Variants in HYDIN observed in about 807,000 individuals in gnomAD.
HYDIN encodes HYDIN axonemal central pair apparatus protein, also known as axonemal central pair apparatus protein HYDIN.
HYDIN carries 132 observed loss-of-function variants against 403.9 expected under a neutral mutation model. That is an observed-to-expected ratio of 0.33 (90% CI 0.28 to 0.38). The LOEUF is 0.38. Among genes scored for constraint, HYDIN ranks in the 10% least tolerant of loss-of-function variants. HYDIN has a pLI of 1.00. For missense variants in HYDIN, 2,827 were observed against 5,009.5 expected (o/e 0.56, Z 13.15); for synonymous variants, 1,202 against 1,891.7 (o/e 0.64, Z 9.46).
At position 70,807,625 on chromosome 16, in the gene HYDIN, C is replaced by T. The variant is rs774450978; in HGVS notation, c.15321G>A (p.Glu5107=). 1 of 1,614,064 alleles carries T rather than the reference C, an allele frequency of 6.2e-7. No individual in the cohort carries two copies. The highest frequency in any genetic ancestry group is 8.5e-7 in the Non-Finnish European group (1 of 1,179,978). Residue 5107 remains glutamate (E), a synonymous_variant, in exon 86 of 86, where the codon GAG becomes GAA. Coordinates refer to ENST00000393567, the MANE Select transcript of HYDIN (RefSeq NM_001270974.2). The part of the protein sequence containing the change: ...TVSCPPGEGS[E]TGVKWVYYLK... Reference sequence around the variant, plus strand: ...GATAATAAACCCATTTAACTCCAGTCTCACTCCCTTCACCAGGAGGGCAGC... The same window carrying T: ...GATAATAAACCCATTTAACTCCAGTTTCACTCCCTTCACCAGGAGGGCAGC...
intron 19 of HYDIN, among the ~76,000 whole-genome samples, chr16:71,030,534 G>A (rs2080869727): frequency 6.6e-6 from 1 of 151,528 alleles, no homozygotes; most frequent in African/African-American, 2.4e-5. Context: ...TTGGGCTCAA[G>A]TGATTCTCCC....
In HYDIN at chr16:71,149,914, A is replaced by G. The variant is rs2085473629; in HGVS notation, c.841+2745T>C. ...TCAATGTGAAGACAAGCATACCAAG[A>G]AATAGTCTAGTGCCAAGGCTAGCCT... On this transcript the variant is annotated intron_variant, in intron 7 of 85. Coordinates refer to ENST00000393567, the MANE Select transcript of HYDIN (RefSeq NM_001270974.2). Among the ~76,000 whole-genome samples, 3 of 149,708 alleles carry G rather than the reference A, an allele frequency of 2.0e-5. No individual in the cohort carries two copies. The South Asian group carries it at 6.5e-4, about 33-fold the overall frequency.
At chr16:70,991,100 T>A (rs899656036) in intron 25 of HYDIN, among the ~76,000 whole-genome samples, 8 of 152,238 alleles carry the variant, frequency 5.3e-5, no homozygotes, top group Non-Finnish European at 1.0e-4. Context: ...ATTTTTCCTT[T>A]AGTATCCTCT....
chr16:71,164,405 A>G (rs371303880), intron 5 of HYDIN, among the ~76,000 whole-genome samples: 6 of 10,272 alleles, frequency 5.8e-4, no homozygotes, highest in East Asian at 2.6e-3. Flanking sequence ...TATTCATTCA[A>G]CTATGTTCAT....
intron 15 of HYDIN, 192 bp downstream of exon 15, chr16:71,067,098 T>C: frequency 1.7e-6 from 1 of 602,066 alleles, no homozygotes; most frequent in Non-Finnish European, 3.0e-6. Flanking sequence ...ACACACTTCT[T>C]CTTATCTCCA....
At chr16:70,970,811 C>G (rs992866323) in intron 35 of HYDIN, 52 bp from the exon 36 acceptor site, 12 of 1,575,784 alleles carry the variant, frequency 7.6e-6, no homozygotes, top group Non-Finnish European at 1.0e-5. Flanking sequence ...CATTACATGT[C>G]ATGTAAAACA....
In HYDIN at chr16:70,829,701, T is replaced by C; in HGVS notation, c.14029A>G (p.Thr4677Ala). The C allele has an allele frequency of 6.2e-7, 1 of 1,613,690 alleles. No homozygotes were observed. ...GEHWEGPEFI[T>A]LEAHQQNKPY... ...TTGTTTTGCTGGTGGGCCTCCAGGG[T>C]GATGAACTCAGGCCCCTCCCAGTGC... is the stretch of plus-strand genomic sequence containing the variant. The change falls in exon 81 of 86, where the codon ACC becomes GCC. Residue 4677 changes from threonine to alanine, a missense_variant. Coordinates refer to ENST00000393567, the MANE Select transcript of HYDIN (RefSeq NM_001270974.2).
chr16:71,081,980 G>A, intron 12 of HYDIN, among the ~76,000 whole-genome samples: 1 of 133,336 alleles, frequency 7.5e-6, no homozygotes, highest in Non-Finnish European at 1.5e-5. Flanking sequence ...TGAAAATATT[G>A]TGTTATATAA....
At chr16:71,005,577 C>T (rs550388914) in intron 23 of HYDIN, among the ~76,000 whole-genome samples, 9 of 152,230 alleles carry the variant, frequency 5.9e-5, no homozygotes, top group East Asian at 5.8e-4. Context: ...TATTTTGTTA[C>T]GGCAGCCTGA....
intron 5 of HYDIN, among the ~76,000 whole-genome samples, chr16:71,166,117 T>A (rs1398060913): frequency 7.2e-6 from 1 of 138,850 alleles, no homozygotes; most frequent in Non-Finnish European, 1.5e-5. Flanking sequence ...ATGACACAGA[T>A]GTGGACTTGT....
At position 70,828,430 on chromosome 16, in the gene HYDIN, C is replaced by G. The variant is rs1220622072; in HGVS notation, c.14113-1G>C. ...CTGGGAGGGGGAAGAAGAGGGTGCC[C>G]TAAGGAGAAGAAGGATGTGATCAGA... On this transcript the variant is annotated splice_acceptor_variant, in intron 81 of 85. Transcript: ENST00000393567. LOFTEE classifies it high-confidence loss of function. 1 of 1,598,340 alleles carries G rather than the reference C, an allele frequency of 6.3e-7. No homozygotes were observed. The highest frequency in any genetic ancestry group is 8.6e-7 in the Non-Finnish European group (1 of 1,168,818).
intron 5 of HYDIN, among the ~76,000 whole-genome samples, chr16:71,170,086 G>C (rs2086401155): frequency 6.6e-6 from 1 of 152,164 alleles, no homozygotes; most frequent in Non-Finnish European, 1.5e-5. Flanking sequence ...TTGGTAGCCA[G>C]AGTGGTCCTA....
At position 70,835,963 on chromosome 16, in the gene HYDIN, G is replaced by C. The variant is rs1259259890; in HGVS notation, c.13243-129C>G. On this transcript the variant is annotated intron_variant, in intron 77 of 85. Coordinates refer to ENST00000393567, the MANE Select transcript of HYDIN (RefSeq NM_001270974.2). ...TGCCCTCACTTCTTCATATTGGGTG[G>C]GCATCTGCCTACTCAATAAGCATTT... 5.1e-6 allele frequency: 4 copies of C among 789,916 alleles called. No homozygotes were observed. In the African/African-American group the frequency reaches 6.8e-5, roughly 13 times the overall value. The allele number at this position is 789,916 out of a possible 1,614,324, so 48.9% of individuals were successfully genotyped here. A position where few individuals can be genotyped will look rare whatever the true frequency, so the allele number is the denominator to read the frequency against.
chr16:71,093,859 C>T lies in HYDIN; in HGVS notation c.1404G>A (p.Leu468=). ...ATCCAGTGAAAACTTTCCCAATATC[C>T]AGCAATTCAAAGTTGAAGTGAATCT... ...GPKIHFNFEL[L]DIGKVFTGSA... is the part of the protein sequence containing the mutation. The change falls in exon 11 of 86, where the codon CTG becomes CTA. Residue 468 remains leucine (L), a synonymous_variant. Transcript: ENST00000393567. The T allele has an allele frequency of 2.4e-5, 39 of 1,613,572 alleles. No homozygotes were observed. Among genetic ancestry groups the T allele is most frequent in the Non-Finnish European group, 3.3e-5 (39 of 1,179,750 alleles).
At chr16:71,052,744 G>T in intron 18 of HYDIN, among the ~76,000 whole-genome samples, 1 of 103,672 alleles carries the variant, frequency 9.6e-6, no homozygotes, top group African/African-American at 4.3e-5. Context: ...CCAGCTACTT[G>T]GTGGCTGAGG....
Position 70,837,849 on chromosome 16 carries a change from C to T in HYDIN, c.13083G>A (p.Val4361=), listed in dbSNP as rs770323231. 7 of 1,613,814 alleles carry T rather than the reference C, an allele frequency of 4.3e-6. No homozygotes were observed. The highest frequency in any genetic ancestry group is 4.2e-6 in the Non-Finnish European group (5 of 1,179,862). Residue 4361 remains valine, a synonymous_variant, in exon 77 of 86, where the codon GTG becomes GTA. Coordinates refer to ENST00000393567, the MANE Select transcript of HYDIN (RefSeq NM_001270974.2). The part of the protein sequence containing the change: ...CLYTNTTHLE[V]NSRVDVVKPG... Reference sequence around the variant, plus strand: ...GCTTTACCACATCAACACGGGAGTTCACCTCGAGGTGAGTGGTGTTGGTGT... The same window carrying T: ...GCTTTACCACATCAACACGGGAGTTTACCTCGAGGTGAGTGGTGTTGGTGT...
At chr16:70,856,614 A>G (rs2039040471) in intron 72 of HYDIN, among the ~76,000 whole-genome samples, 1 of 151,736 alleles carries the variant, frequency 6.6e-6, no homozygotes, top group Non-Finnish European at 1.5e-5. Context: ...AGTGTATATT[A>G]ACATGATCAC....
At chr16:71,113,701 C>T (rs187053771) in intron 10 of HYDIN, 464 of 151,640 alleles carry the variant, frequency 3.1e-3, no homozygotes, top group Admixed American at 4.7e-3. Flanking sequence ...TTAAGTGATC[C>T]TCCCACTTTG....
Position 70,991,460 on chromosome 16 carries a change from T to G in HYDIN, c.3786-64A>C, listed in dbSNP as rs1415212361. Reference sequence around the variant, plus strand: ...GCTGTCATCGCCACACAGTCTCAGGTGCATAACAGCCCTGTCTTCCTCTTC... The same window carrying G: ...GCTGTCATCGCCACACAGTCTCAGGGGCATAACAGCCCTGTCTTCCTCTTC... On this transcript the variant is annotated intron_variant, in intron 24 of 85. Transcript: ENST00000393567. The G allele has an allele frequency of 1.6e-5, 26 of 1,593,168 alleles. No individual in the cohort carries two copies. In the East Asian group the frequency reaches 3.6e-4, roughly 22 times the overall value.
Sources: gnomAD v4.1 joint callset for allele counts (sites outside exome capture counted in the v4.1 genomes callset) on GRCh38, gnomAD v4.1.1 for gene constraint, MANE v1.5 for transcripts, NCBI Gene and HGNC (gene_info 2026-07-23, HGNC 2026-07-21) for gene names.